The following RGS7 variants were observed in gnomAD, a reference collection of about 807,000 sequenced individuals.
RGS7 encodes the protein regulator of G protein signaling 7.
Under a neutral mutation model 81.1 loss-of-function variants are expected in RGS7, and 27 were observed. The observed-to-expected ratio is 0.33, with a 90% CI of 0.25 to 0.46. The LOEUF is 0.46. Among genes scored for constraint, RGS7 ranks in the 20% least tolerant of loss-of-function variants. The probability of loss-of-function intolerance (pLI) is 1.00; values close to 1 mark genes in which losing one functional copy is unlikely to be tolerated. For missense variants in RGS7, 396 were observed against 607.4 expected (o/e 0.65, Z 3.66); for synonymous variants, 208 against 207.7 (o/e 1.00, Z -0.01).
intron 2 of RGS7, among the ~76,000 whole-genome samples, chr1:241,311,709 C>T (rs1438182403): frequency 2.0e-5 from 3 of 152,128 alleles, no homozygotes; most frequent in African/African-American, 4.8e-5. Flanking sequence ...TAAACAATCA[C>T]GAAATTCACA....
intron 3 of RGS7, among the ~76,000 whole-genome samples, chr1:241,042,727 G>T (rs936875716): frequency 3.9e-5 from 6 of 152,082 alleles, no homozygotes; most frequent in African/African-American, 1.4e-4. Context: ...ATCACCTGTG[G>T]TCAGGAGTTT....
chr1:241,149,145 T>C (rs1251532270), intron 2 of RGS7, among the ~76,000 whole-genome samples: 1 of 152,104 alleles, frequency 6.6e-6, no homozygotes, highest in Non-Finnish European at 1.5e-5. Context: ...GCCAATGAAC[T>C]CTACAAGTAG....
intron 3 of RGS7, among the ~76,000 whole-genome samples, chr1:241,086,707 C>T (rs2063472237): frequency 6.6e-6 from 1 of 152,058 alleles, no homozygotes. Context: ...TTACTCTTTT[C>T]AGGATGAAAT....
intron 2 of RGS7, among the ~76,000 whole-genome samples, chr1:241,213,404 T>G (rs78151445): frequency 0.016 from 2,468 of 152,266 alleles, 58 homozygotes; most frequent in African/African-American, 0.055. Flanking sequence ...AGGTGAAAGC[T>G]GGCCGTAGAA....
chr1:241,242,306 G>GTAGATAGA (rs58976335), intron 2 of RGS7, among the ~76,000 whole-genome samples: 29,127 of 147,404 alleles, frequency 0.2, 2,978 homozygotes, highest in Middle Eastern at 0.25. Context: ...CTATGGATGA[G>GTAGATAGA]TAGATAGATA....
intron 3 of RGS7, among the ~76,000 whole-genome samples, chr1:241,035,977 T>G (rs2060306845): frequency 6.6e-6 from 1 of 152,206 alleles, no homozygotes; most frequent in African/African-American, 2.4e-5. Flanking sequence ...TAGATGTAAG[T>G]TACTTATTTC....
At chr1:241,020,506 C>G (rs1404682377) in intron 3 of RGS7, among the ~76,000 whole-genome samples, 1 of 152,134 alleles carries the variant, frequency 6.6e-6, no homozygotes, top group East Asian at 1.9e-4. Flanking sequence ...ATGGCCCACC[C>G]AGATAATCTA....
At chr1:241,128,506 G>C (rs1572812517) in intron 2 of RGS7, among the ~76,000 whole-genome samples, 1 of 148,292 alleles carries the variant, frequency 6.7e-6, no homozygotes, top group Admixed American at 6.8e-5. Context: ...AGAAACGCTT[G>C]AACCCGGGGC....
At chr1:241,066,193 C>T (rs150358689) in intron 3 of RGS7, among the ~76,000 whole-genome samples, 80 of 152,290 alleles carry the variant, frequency 5.3e-4, no homozygotes, top group African/African-American at 1.9e-3. Flanking sequence ...TTTTCACTCT[C>T]CCTGAAGGTG....
chr1:241,030,375 C>CATATATATATAT (rs10649049), intron 3 of RGS7, among the ~76,000 whole-genome samples: 1 of 97,220 alleles, frequency 1.0e-5, no homozygotes, highest in Non-Finnish European at 2.1e-5. Flanking sequence ...TATATATATA[C>CATATATATATAT]ATACACACAT....
intron 3 of RGS7, among the ~76,000 whole-genome samples, chr1:241,094,246 C>G (rs1351785399): frequency 6.6e-6 from 1 of 150,906 alleles, no homozygotes; most frequent in East Asian, 1.9e-4. Context: ...TAAACACACA[C>G]ACACACACAC....
intron 9 of RGS7, 99 bp from the exon 10 acceptor site, chr1:240,827,271 C>A: frequency 1.1e-6 from 1 of 911,526 alleles, no homozygotes; most frequent in Non-Finnish European, 1.8e-6. Context: ...CGAGCAAATG[C>A]CCCAATGACA....
chr1:241,060,323 C>T (rs944167939), intron 3 of RGS7, among the ~76,000 whole-genome samples: 2 of 152,168 alleles, frequency 1.3e-5, no homozygotes, highest in Non-Finnish European at 2.9e-5. Context: ...TGCAATTATC[C>T]TAACTTTGTT....
intron 2 of RGS7, among the ~76,000 whole-genome samples, chr1:241,115,584 G>A (rs536316614): frequency 1.3e-4 from 20 of 152,254 alleles, no homozygotes; most frequent in East Asian, 3.9e-4. Flanking sequence ...GTAACATAAC[G>A]TGGGGCGAAT....
chr1:241,076,573 G>A (rs1404464160), intron 3 of RGS7, among the ~76,000 whole-genome samples: 2 of 152,124 alleles, frequency 1.3e-5, no homozygotes, highest in Non-Finnish European at 2.9e-5. Flanking sequence ...AAAGAGGTGA[G>A]AATTTGTTGC....
At chr1:240,833,364 A>C (rs1172153259) in intron 9 of RGS7, among the ~76,000 whole-genome samples, 3 of 152,272 alleles carry the variant, frequency 2.0e-5, no homozygotes, top group Middle Eastern at 3.4e-3. Flanking sequence ...TTGTTTCTTG[A>C]ATTTTCCATT....
chr1:241,251,962 A>C (rs1459561399), intron 2 of RGS7, among the ~76,000 whole-genome samples: 1 of 152,084 alleles, frequency 6.6e-6, no homozygotes, highest in African/African-American at 2.4e-5. Flanking sequence ...GGGGCTGCGG[A>C]GCCTCGGAGT....
chr1:240,838,365 G>T (rs1695043501), intron 9 of RGS7, among the ~76,000 whole-genome samples: 1 of 152,178 alleles, frequency 6.6e-6, no homozygotes. Flanking sequence ...CACCTTGGAG[G>T]TTAGGAATTC....
intron 5 of RGS7, 38 bp downstream of exon 5, chr1:240,936,562 T>C (rs1272606186): frequency 1.4e-6 from 2 of 1,464,668 alleles, no homozygotes; most frequent in Admixed American, 1.7e-5. Context: ...AATGCGGGCT[T>C]CTAGTTTACT....
Sources: gnomAD v4.1 joint callset for allele counts (sites outside exome capture counted in the v4.1 genomes callset) on GRCh38, gnomAD v4.1.1 for gene constraint, MANE v1.5 for transcripts, NCBI Gene and HGNC (gene_info 2026-07-23, HGNC 2026-07-21) for gene names.